The following LRRC4C variants were observed in gnomAD, a reference collection of about 807,000 sequenced individuals.
The protein encoded by LRRC4C is leucine rich repeat containing 4C.
In LRRC4C, 5 loss-of-function variants were observed where a neutral mutation model predicts 33.6. The observed-to-expected ratio is 0.15, with a 90% confidence interval of 0.08 to 0.31. The LOEUF is 0.31. LRRC4C is among the 10% of genes least tolerant of loss of function. The pLI is 1.00. For missense variants in LRRC4C, 560 were observed against 796.7 expected, an observed-to-expected ratio of 0.70 and a Z score of 3.58; for synonymous variants, 329 against 302.0, an observed-to-expected ratio of 1.09 and a Z score of -0.93.
At chr11:40,694,914 C>T (rs1038754544) in intron 2 of LRRC4C, among the ~76,000 whole-genome samples, 11 of 152,052 alleles carry the variant, frequency 7.2e-5, no homozygotes, top group African/African-American at 1.2e-4. Flanking sequence ...CTCTTCCTTC[C>T]GGTCTTCCAT....
intron 1 of LRRC4C, among the ~76,000 whole-genome samples, chr11:41,222,160 G>T (rs984110836): frequency 2.0e-4 from 31 of 152,202 alleles, no homozygotes; most frequent in Non-Finnish European, 4.4e-4. Context: ...AGGTACTGTA[G>T]ATTACGATTC....
In LRRC4C at chr11:40,697,422, C is replaced by G. The variant is rs565630359; in HGVS notation, c.-406-49144G>C. ...GCTAGTGCCTTTCACACTAAAAGCA[C>G]TTTTTGGATATACATTATTTTCTTT... On this transcript the variant is annotated intron_variant, in intron 2 of 6. Transcript: ENST00000528697. Among the ~76,000 whole-genome samples, 328 of 152,204 alleles carry G rather than the reference C, an allele frequency of 2.2e-3. 2 individuals are homozygous for G. Among genetic ancestry groups the G allele is most frequent in the Non-Finnish European group, 3.6e-3 (243 of 68,016 alleles).
chr11:40,489,095 C>T (rs951648693), intron 3 of LRRC4C, among the ~76,000 whole-genome samples: 1 of 152,096 alleles, frequency 6.6e-6, no homozygotes, highest in African/African-American at 2.4e-5. Flanking sequence ...ATCACCAGGT[C>T]CTGTCTATTT....
chr11:41,068,812 T>A (rs995965349), intron 1 of LRRC4C, among the ~76,000 whole-genome samples: 4 of 152,016 alleles, frequency 2.6e-5, no homozygotes, highest in Non-Finnish European at 5.9e-5. Context: ...CAGAACCAGA[T>A]GGATTAACGG....
chr11:40,350,537 T>A (rs1403708774), intron 3 of LRRC4C, among the ~76,000 whole-genome samples: 2 of 152,000 alleles, frequency 1.3e-5, no homozygotes, highest in Non-Finnish European at 2.9e-5. Flanking sequence ...ATTCCTACAG[T>A]TTTGTTCTTT....
intron 1 of LRRC4C, among the ~76,000 whole-genome samples, chr11:41,178,668 A>G (rs902441290): frequency 6.6e-6 from 1 of 151,986 alleles, no homozygotes; most frequent in African/African-American, 2.4e-5. Flanking sequence ...CAGACTTTCT[A>G]AATCGGATTA....
rs563570998 is a variant in LRRC4C, at chr11:40,942,867, T to C, written c.-495-9144A>G. ...TCCTAACTCTAACACCTACCAACCA[T>C]ATGAACAGAGCCAAGGCATTTAACT... On this transcript the variant is annotated intron_variant, in intron 1 of 6. Coordinates refer to ENST00000528697, the MANE Select transcript of LRRC4C (RefSeq NM_001258419.2). 3.3e-5 allele frequency among the ~76,000 whole-genome samples: 5 copies of C among 152,218 alleles called. No individual in the cohort carries two copies. The East Asian group carries it at 9.7e-4, about 29-fold the overall frequency.
At chr11:40,218,430 A>G (rs1252474538) in intron 5 of LRRC4C, among the ~76,000 whole-genome samples, 1 of 152,290 alleles carries the variant, frequency 6.6e-6, no homozygotes, top group Non-Finnish European at 1.5e-5. Context: ...TTAGAGAATC[A>G]CAGAACATTT....
At chr11:40,602,482 A>G (rs1960117666) in intron 3 of LRRC4C, among the ~76,000 whole-genome samples, 2 of 152,282 alleles carry the variant, frequency 1.3e-5, no homozygotes, top group South Asian at 4.1e-4. Context: ...CACATAATAA[A>G]TACAAATTGT....
intron 1 of LRRC4C, among the ~76,000 whole-genome samples, chr11:40,941,716 G>C (rs7945674): frequency 6.6e-6 from 1 of 152,014 alleles, no homozygotes; most frequent in Non-Finnish European, 1.5e-5. Flanking sequence ...ATCATACTTT[G>C]AGCACTTATT....
At position 40,115,074 on chromosome 11, in the gene LRRC4C, T is replaced by C. The variant is rs1844156425; in HGVS notation, c.1219A>G (p.Ser407Gly). 1 of 1,614,212 alleles carries C rather than the reference T, an allele frequency of 6.2e-7. No homozygotes were observed. The highest frequency in any genetic ancestry group is 1.6e-4 in the Middle Eastern group (1 of 6,062). ...GAYKVRIAVLSDGTLNFTNVT... is the reference protein window; with the variant it reads ...GAYKVRIAVLGDGTLNFTNVT... ...TTTGTGAAATTTAACGTACCATCAC[T>C]GAGCACAGCTATCCGCACTTTGTAC... Residue 407 changes from serine to glycine, a missense_variant, in exon 7 of 7, where the codon AGT (serine) becomes GGT (glycine). Ser to Gly is a moderately conservative substitution (Grantham distance 56). Coordinates refer to ENST00000528697, the MANE Select transcript of LRRC4C (RefSeq NM_001258419.2). This position sits in a 1 kb window ranked among gnomAD's most constrained non-coding sequence, Gnocchi z 6.7.
chr11:40,731,562 G>T (rs1244488507), intron 2 of LRRC4C, among the ~76,000 whole-genome samples: 1 of 152,040 alleles, frequency 6.6e-6, no homozygotes, highest in Non-Finnish European at 1.5e-5. Flanking sequence ...TTATAGCAAT[G>T]CAAGAATGGC....
chr11:40,868,222 C>T (rs1041510836), intron 2 of LRRC4C, among the ~76,000 whole-genome samples: 6 of 152,094 alleles, frequency 3.9e-5, no homozygotes, highest in African/African-American at 9.7e-5. Flanking sequence ...GATAAAGCCT[C>T]GCTGAGCTAT....
intron 1 of LRRC4C, among the ~76,000 whole-genome samples, chr11:41,037,063 T>A (rs2137910653): frequency 6.6e-6 from 1 of 152,332 alleles, no homozygotes; most frequent in South Asian, 2.1e-4. Flanking sequence ...TACCCAGTAA[T>A]CTTTTTGATC....
chr11:41,314,335 T>A (rs1238161855), intron 1 of LRRC4C, among the ~76,000 whole-genome samples: 1 of 152,174 alleles, frequency 6.6e-6, no homozygotes, highest in Admixed American at 6.5e-5. Context: ...GTTATAATAA[T>A]GTTAATAAAT....
intron 3 of LRRC4C, among the ~76,000 whole-genome samples, chr11:40,575,653 C>A (rs779073489): frequency 6.6e-6 from 1 of 152,102 alleles, no homozygotes; most frequent in Non-Finnish European, 1.5e-5. Context: ...TGGGGTTCTA[C>A]TTATAAAATG....
chr11:41,373,189 T>A (rs1465423936), intron 1 of LRRC4C, among the ~76,000 whole-genome samples: 2 of 152,176 alleles, frequency 1.3e-5, no homozygotes, highest in African/African-American at 4.8e-5. Flanking sequence ...GCACAATGAA[T>A]CCCCAGTTGA....
At chr11:40,704,484 C>T (rs1162268144) in intron 2 of LRRC4C, among the ~76,000 whole-genome samples, 1 of 152,174 alleles carries the variant, frequency 6.6e-6, no homozygotes, top group Admixed American at 6.5e-5. Flanking sequence ...CCTGAAATCT[C>T]ATCTCCAACC....
rs1448673432 is a variant in LRRC4C, at chr11:40,648,294, G to GA, written c.-406-17dup. On this transcript the variant is annotated splice_polypyrimidine_tract_variant and intron_variant, in intron 2 of 6. Coordinates refer to ENST00000528697, the MANE Select transcript of LRRC4C (RefSeq NM_001258419.2). ...CCAGTAACTCCTACATAAAATAGAA[G>GA]AAAAAGATATAATTAGGATTATTTA... is the stretch of plus-strand genomic sequence containing the variant. The GA allele has an allele frequency of 6.6e-6, 1 of 151,792 alleles. No homozygotes were observed. The highest frequency in any genetic ancestry group is 6.6e-5 in the Admixed American group (1 of 15,242). The allele number at this position is 151,792 out of a possible 1,614,324, so 9.4% of individuals were successfully genotyped here. A position where few individuals can be genotyped will look rare whatever the true frequency, so the allele number is the denominator to read the frequency against.
Sources: gnomAD v4.1 joint callset for allele counts (sites outside exome capture counted in the v4.1 genomes callset) on GRCh38, gnomAD v4.1.1 for gene constraint, Gnocchi (gnomAD v3.1) non-coding constraint, MANE v1.5 for transcripts, NCBI Gene and HGNC (gene_info 2026-07-23, HGNC 2026-07-21) for gene names.